Variants in FOXE1 observed in about 807,000 individuals in gnomAD.
FOXE1 encodes forkhead box protein E1.
A neutral mutation model predicts 2.1 loss-of-function variants in FOXE1; 4 were observed. That is an observed-to-expected ratio of 1.91 (90% CI 0.94 to 4.37). The LOEUF is 4.37. Ranked by LOEUF, FOXE1 falls within the 30% of genes most tolerant of loss-of-function variation. FOXE1 has a pLI of 0.01. For synonymous variants in FOXE1, 277 were observed against 272.4 expected (o/e 1.02, Z -0.17); for missense variants, 574 against 583.3 (o/e 0.98, Z 0.16).
At position 97,854,418 on chromosome 9, in the gene FOXE1, AGCC is replaced by A. The variant is rs71369530; in HGVS notation, c.535_537del (p.Ala179del). On this transcript the variant is annotated inframe_deletion, in exon 1 of 1. Coordinates refer to ENST00000375123, the MANE Select transcript of FOXE1 (RefSeq NM_004473.4). Reference sequence around the variant, plus strand: ...ACATGCACGACGCGGCGGCTGCCGCAGCCGCCGCCGCCGCCGCCGCCGCCGCCG... The same window carrying A: ...ACATGCACGACGCGGCGGCTGCCGCAGCCGCCGCCGCCGCCGCCGCCGCCG... 435 of 1,218,460 alleles carry A rather than the reference AGCC, an allele frequency of 3.6e-4. No homozygotes were observed. Among genetic ancestry groups the A allele is most frequent in the Admixed American group, 7.1e-4 (16 of 22,508 alleles). 75.5% of individuals were successfully genotyped at this position (1,218,460 alleles called of 1,614,324 possible).
chr9:97,854,570 G>A lies in FOXE1; in HGVS notation c.656G>A (p.Gly219Asp). 1 of 1,333,062 alleles carries A rather than the reference G, an allele frequency of 7.5e-7. No individual in the cohort carries two copies. The highest frequency in any genetic ancestry group is 9.5e-7 in the Non-Finnish European group (1 of 1,048,926). The allele number at this position is 1,333,062 out of a possible 1,614,324, so 82.6% of individuals were successfully genotyped here. A position where few individuals can be genotyped will look rare whatever the true frequency, so the allele number is the denominator to read the frequency against. Residue 219 changes from glycine (G) to aspartate (D), a missense_variant, in exon 1 of 1, where the codon GGC (glycine) becomes GAC (aspartate). Coordinates refer to ENST00000375123, the MANE Select transcript of FOXE1 (RefSeq NM_004473.4). ...GTCTACTACCCCGCGGCGTCGCCCG[G>A]CCCTTGCCGCGTCTTCGGCCTGGTT... ...PPVYYPAASP[G>D]PCRVFGLVPE...
chr9:97,854,812 G>T lies in FOXE1; in HGVS notation c.898G>T (p.Ala300Ser). The change falls in exon 1 of 1, where the codon GCT (alanine) becomes TCT (serine). Residue 300 changes from alanine to serine, a missense_variant. Transcript: ENST00000375123. ...CGCCGGCAGTGCGATCTTTGCCGCT[G>T]CTGGCCGCCTGGCGGGACCCGCTTC... ...QGAGSAIFAA[A>S]GRLAGPASPP... The T allele has an allele frequency of 1.3e-6, 2 of 1,533,166 alleles. No homozygotes were observed. The highest frequency in any genetic ancestry group is 2.0e-5 in the Admixed American group (1 of 50,920). The allele number at this position is 1,533,166 out of a possible 1,614,324, so 95.0% of individuals were successfully genotyped here.
In FOXE1 at chr9:97,853,756, G is replaced by T; in HGVS notation, c.-159G>T. 1.8e-6 allele frequency: 1 copy of T among 545,580 alleles called. No individual in the cohort carries two copies. Among genetic ancestry groups the T allele is most frequent in the Non-Finnish European group, 2.7e-6 (1 of 368,734 alleles). The allele number at this position is 545,580 out of a possible 1,614,324, so 33.8% of individuals were successfully genotyped here. A position where few individuals can be genotyped will look rare whatever the true frequency, so the allele number is the denominator to read the frequency against. The stretch of plus-strand genomic sequence containing the variant: ...AGACCACGGACGCTGAGCCTCCAGC[G>T]CGTGCCAGCCTGGGCCGCTGGGCTC... On this transcript the variant is annotated 5_prime_UTR_variant, in exon 1 of 1. Coordinates refer to ENST00000375123, the MANE Select transcript of FOXE1 (RefSeq NM_004473.4).
rs547566398 is a variant in FOXE1 at position 97,854,415 on chromosome 9, C to T, written c.501C>T (p.Ala167=). ...CTTACATGCACGACGCGGCGGCTGC[C>T]GCAGCCGCCGCCGCCGCCGCCGCCG... ...YPAYMHDAAA[A]AAAAAAAAAA... The change falls in exon 1 of 1, where the codon GCC becomes GCT. Residue 167 remains alanine, a synonymous_variant. Coordinates refer to ENST00000375123, the MANE Select transcript of FOXE1 (RefSeq NM_004473.4). 7.9e-5 allele frequency: 91 copies of T among 1,145,440 alleles called. 1 individual carries two copies. The highest frequency in any genetic ancestry group is 9.1e-5 in the Non-Finnish European group (86 of 948,650). The allele number at this position is 1,145,440 out of a possible 1,614,324, so 71.0% of individuals were successfully genotyped here. A position where few individuals can be genotyped will look rare whatever the true frequency, so the allele number is the denominator to read the frequency against.
In FOXE1 at chr9:97,854,640, G is replaced by C. The variant is rs1288446779; in HGVS notation, c.726G>C (p.Gly242=). Residue 242 remains glycine, a synonymous_variant, in exon 1 of 1, where the codon GGG becomes GGC. Transcript: ENST00000375123. The part of the protein sequence containing the change: ...LSPELGPAPS[G]PGGSCAFASA... ...CAGAGCTGGGGCCCGCACCGTCGGG[G>C]CCCGGCGGCTCTTGCGCCTTTGCCT... 1.4e-6 allele frequency: 2 copies of C among 1,394,624 alleles called. No individual in the cohort carries two copies. The highest frequency in any genetic ancestry group is 6.1e-5 in the East Asian group (2 of 32,620). 86.4% of individuals were successfully genotyped at this position (1,394,624 alleles called of 1,614,324 possible).
chr9:97,856,181 G>A lies in FOXE1; in HGVS notation c.*1145G>A, dbSNP rs1830668820. The A allele has an allele frequency of 6.0e-6, 1 of 167,046 alleles. No individual in the cohort carries two copies. Among genetic ancestry groups the A allele is most frequent in the Middle Eastern group, 3.4e-3 (1 of 296 alleles). 10.3% of individuals were successfully genotyped at this position (167,046 alleles called of 1,614,324 possible). ...TCAGCAGCCTCCCCCATGCAAAAAG[G>A]AAAGAGAAAAATTAAGTTAGGGCAG... On this transcript the variant is annotated 3_prime_UTR_variant, in exon 1 of 1. Transcript: ENST00000375123.
chr9:97,855,025 T>C lies in FOXE1; in HGVS notation c.1111T>C (p.Ser371Pro), dbSNP rs772072435. 4.3e-6 allele frequency: 7 copies of C among 1,611,644 alleles called. No homozygotes were observed. In the African/African-American group the frequency reaches 9.3e-5, roughly 22 times the overall value. The change falls in exon 1 of 1, where the codon TCC becomes CCC. Residue 371 changes from serine to proline, a missense_variant. Ser to Pro is a moderately conservative substitution (Grantham distance 74). Transcript: ENST00000375123. ...AYPGGIDRFV[S>P]AM ...TCCCGGTGGGATAGATCGGTTCGTG[T>C]CCGCCATGTGAGCCAGCGTAGGGAC...
Position 97,854,710 on chromosome 9 carries a change from T to C in FOXE1, c.796T>C (p.Cys266Arg). 2.8e-6 allele frequency: 4 copies of C among 1,410,134 alleles called. No individual in the cohort carries two copies. The highest frequency in any genetic ancestry group is 1.5e-5 in the African/African-American group (1 of 65,944). The allele number at this position is 1,410,134 out of a possible 1,614,324, so 87.4% of individuals were successfully genotyped here. A position where few individuals can be genotyped will look rare whatever the true frequency, so the allele number is the denominator to read the frequency against. The part of the protein sequence containing the change: ...ATTTGYQPAG[C>R]TGARPANPSA... The stretch of plus-strand genomic sequence containing the variant: ...CACCACCGGCTACCAGCCCGCAGGC[T>C]GCACCGGGGCCCGGCCGGCCAACCC... The change falls in exon 1 of 1, where the codon TGC becomes CGC. Residue 266 changes from cysteine (C) to arginine (R), a missense_variant. Transcript: ENST00000375123.
At position 97,854,202 on chromosome 9, in the gene FOXE1, G is replaced by C; in HGVS notation, c.288G>C (p.Lys96Asn). The C allele has an allele frequency of 6.2e-7, 1 of 1,613,038 alleles. No homozygotes were observed. The highest frequency in any genetic ancestry group is 8.5e-7 in the Non-Finnish European group (1 of 1,179,696). Residue 96 changes from lysine to asparagine, a missense_variant, in exon 1 of 1, where the codon AAG (lysine) becomes AAC (asparagine). Around this residue, in one of 3 missense-constraint regions of FOXE1, gnomAD observed 249 missense variants for 269.6 expected, o/e 0.92. Transcript: ENST00000375123. ...CCTTCTACCGCGACAACCCCAAAAA[G>C]TGGCAGAACAGCATCCGCCACAACC... ...RFPFYRDNPK[K>N]WQNSIRHNLT...
Position 97,854,260 on chromosome 9 carries a change from C to A in FOXE1, c.346C>A (p.Arg116Ser), listed in dbSNP as rs1285423385. 6.2e-7 allele frequency: 1 copy of A among 1,612,994 alleles called. No individual in the cohort carries two copies. Among genetic ancestry groups the A allele is most frequent in the South Asian group, 1.1e-5 (1 of 91,044 alleles). Residue 116 changes from arginine (R) to serine (S), a missense_variant, in exon 1 of 1, where the codon CGC becomes AGC. Arg to Ser is a moderately radical substitution (Grantham distance 110). This residue lies in a region of FOXE1 where 249 missense variants were observed against 269.6 expected (regional missense o/e 0.92). Transcript: ENST00000375123. ...CAACGACTGCTTCCTCAAGATCCCGCGCGAGGCCGGCCGCCCGGGTAAGGG... is the reference window on the plus strand; with the variant it reads ...CAACGACTGCTTCCTCAAGATCCCGAGCGAGGCCGGCCGCCCGGGTAAGGG... ...TLNDCFLKIP[R>S]EAGRPGKGNY...
rs1241887711 is a variant in FOXE1 at position 97,854,676 on chromosome 9, C to T, written c.762C>T (p.Ala254=). ...GGSCAFASAG[A]PATTTGYQPA... ...CTTGCGCCTTTGCCTCCGCCGGCGC[C>T]CCCGCTACCACCACCGGCTACCAGC... The change falls in exon 1 of 1, where the codon GCC becomes GCT. Residue 254 remains alanine (A), a synonymous_variant. Coordinates refer to ENST00000375123, the MANE Select transcript of FOXE1 (RefSeq NM_004473.4). The T allele has an allele frequency of 7.1e-7, 1 of 1,408,408 alleles. No individual in the cohort carries two copies. The highest frequency in any genetic ancestry group is 9.2e-7 in the Non-Finnish European group (1 of 1,089,970). 87.2% of individuals were successfully genotyped at this position (1,408,408 alleles called of 1,614,324 possible). A position where few individuals can be genotyped will look rare whatever the true frequency, so the allele number is the denominator to read the frequency against.
Position 97,856,045 on chromosome 9 carries a change from C to T in FOXE1, c.*1009C>T, listed in dbSNP as rs534667832. On this transcript the variant is annotated 3_prime_UTR_variant, in exon 1 of 1. Coordinates refer to ENST00000375123, the MANE Select transcript of FOXE1 (RefSeq NM_004473.4). ...TTTCTTGTCATCACGCAGCCCTGGACCCAAAGGGTGAACTAAAGTTTAAGG... is the reference window on the plus strand; with the variant it reads ...TTTCTTGTCATCACGCAGCCCTGGATCCAAAGGGTGAACTAAAGTTTAAGG... 1 of 166,784 alleles carries T rather than the reference C, an allele frequency of 6.0e-6. No homozygotes were observed. Among genetic ancestry groups the T allele is most frequent in the South Asian group, 2.1e-4 (1 of 4,824 alleles). 10.3% of individuals were successfully genotyped at this position (166,784 alleles called of 1,614,324 possible). A position where few individuals can be genotyped will look rare whatever the true frequency, so the allele number is the denominator to read the frequency against.
chr9:97,854,595 T>G lies in FOXE1; in HGVS notation c.681T>G (p.Val227=), dbSNP rs1830640737. The change falls in exon 1 of 1, where the codon GTT becomes GTG. Residue 227 remains valine, a synonymous_variant. Coordinates refer to ENST00000375123, the MANE Select transcript of FOXE1 (RefSeq NM_004473.4). ...SPGPCRVFGL[V]PERPLSPELG... is the part of the protein sequence containing the mutation. ...GCCCTTGCCGCGTCTTCGGCCTGGTTCCTGAGCGGCCGCTCAGCCCAGAGC... is the reference window on the plus strand; with the variant it reads ...GCCCTTGCCGCGTCTTCGGCCTGGTGCCTGAGCGGCCGCTCAGCCCAGAGC... 7.4e-7 allele frequency: 1 copy of G among 1,356,400 alleles called. No homozygotes were observed. The highest frequency in any genetic ancestry group is 2.6e-4 in the Middle Eastern group (1 of 3,832). The allele number at this position is 1,356,400 out of a possible 1,614,324, so 84.0% of individuals were successfully genotyped here. A position where few individuals can be genotyped will look rare whatever the true frequency, so the allele number is the denominator to read the frequency against.
chr9:97,853,514 C>A lies in FOXE1; in HGVS notation c.-401C>A, dbSNP rs370502386. The A allele has an allele frequency of 6.4e-4, 130 of 202,938 alleles. No individual in the cohort carries two copies. Among genetic ancestry groups the A allele is most frequent in the African/African-American group, 2.8e-3 (121 of 43,254 alleles). 12.6% of individuals were successfully genotyped at this position (202,938 alleles called of 1,614,324 possible). On this transcript the variant is annotated 5_prime_UTR_variant, in exon 1 of 1. Transcript: ENST00000375123. ...AACCTAGGCAGTAATCCTAAACTAG[C>A]GGGCACCACAGACCAGCTGCAGCCA...
chr9:97,854,164 A>G lies in FOXE1; in HGVS notation c.250A>G (p.Thr84Ala). 1.9e-6 allele frequency: 3 copies of G among 1,612,732 alleles called. No individual in the cohort carries two copies. The highest frequency in any genetic ancestry group is 2.5e-6 in the Non-Finnish European group (3 of 1,179,652). ...LTLGGIYKFI[T>A]ERFPFYRDNP... ...GCTGGGCGGCATCTACAAGTTCATCACCGAGCGCTTCCCCTTCTACCGCGA... is the reference window on the plus strand; with the variant it reads ...GCTGGGCGGCATCTACAAGTTCATCGCCGAGCGCTTCCCCTTCTACCGCGA... The change falls in exon 1 of 1, where the codon ACC (threonine) becomes GCC (alanine). Residue 84 changes from threonine to alanine, a missense_variant. Thr to Ala is a moderately conservative substitution (Grantham distance 58). This residue lies in a region of FOXE1 where 249 missense variants were observed against 269.6 expected (regional missense o/e 0.92). Coordinates refer to ENST00000375123, the MANE Select transcript of FOXE1 (RefSeq NM_004473.4).
At position 97,854,848 on chromosome 9, in the gene FOXE1, G is replaced by T; in HGVS notation, c.934G>T (p.Gly312Cys). The T allele has an allele frequency of 6.4e-7, 1 of 1,550,956 alleles. No individual in the cohort carries two copies. Among genetic ancestry groups the T allele is most frequent in the Non-Finnish European group, 8.6e-7 (1 of 1,156,496 alleles). Residue 312 changes from glycine to cysteine, a missense_variant, in exon 1 of 1, where the codon GGC becomes TGC. Gly to Cys is a radical substitution (Grantham distance 159). Around this residue, in one of 3 missense-constraint regions of FOXE1, gnomAD observed 316 missense variants for 288.4 expected, o/e 1.10. Transcript: ENST00000375123. The stretch of plus-strand genomic sequence containing the variant: ...GGCGGGACCCGCTTCGCCCCCAGCG[G>T]GCGGCAGCAGTGGCGGCGTGGAGAC... Reference protein sequence around the residue: ...RLAGPASPPAGGSSGGVETTV... With the variant: ...RLAGPASPPACGSSGGVETTV...
chr9:97,854,550 C>G lies in FOXE1; in HGVS notation c.636C>G (p.Tyr212Ter). 7.7e-7 allele frequency: 1 copy of G among 1,301,800 alleles called. No individual in the cohort carries two copies. The highest frequency in any genetic ancestry group is 9.7e-7 in the Non-Finnish European group (1 of 1,033,078). The allele number at this position is 1,301,800 out of a possible 1,614,324, so 80.6% of individuals were successfully genotyped here. ...PPSLAAPPPV[Y>*]YPAASPGPCR... ...CGCTGGCCGCGCCGCCTCCAGTCTA[C>G]TACCCCGCGGCGTCGCCCGGCCCTT... The change falls in exon 1 of 1, where the codon TAC becomes TAG. Residue 212 changes from tyrosine to a stop codon, truncating the protein, a stop_gained. Coordinates refer to ENST00000375123, the MANE Select transcript of FOXE1 (RefSeq NM_004473.4). LOFTEE classifies it low-confidence loss of function (END_TRUNC).
Position 97,854,962 on chromosome 9 carries a change from A to C in FOXE1, c.1048A>C (p.Ser350Arg). Residue 350 changes from serine (S) to arginine (R), a missense_variant, in exon 1 of 1, where the codon AGT becomes CGT. By Grantham distance (110) the Ser-to-Arg change is moderately radical. Transcript: ENST00000375123. ...CCCTGGCGGGCAGCTCGGAGGGGCC[A>C]GTGCAGGCGCCTACCATGCTCGCCA... is the stretch of plus-strand genomic sequence containing the variant. Reference protein sequence around the residue: ...YNPGGQLGGASAGAYHARHAA... With the variant: ...YNPGGQLGGARAGAYHARHAA... 6.2e-7 allele frequency: 1 copy of C among 1,604,330 alleles called. No homozygotes were observed. Among genetic ancestry groups the C allele is most frequent in the Non-Finnish European group, 8.5e-7 (1 of 1,179,922 alleles).
chr9:97,853,723 C>A lies in FOXE1; in HGVS notation c.-192C>A. ...CTCCCGAGCCTCTGTCTGCACCGCG[C>A]CAGCCCCAGACCACGGACGCTGAGC... On this transcript the variant is annotated 5_prime_UTR_variant, in exon 1 of 1. Coordinates refer to ENST00000375123, the MANE Select transcript of FOXE1 (RefSeq NM_004473.4). 1 of 410,740 alleles carries A rather than the reference C, an allele frequency of 2.4e-6. No individual in the cohort carries two copies. Among genetic ancestry groups the A allele is most frequent in the Non-Finnish European group, 4.1e-6 (1 of 246,084 alleles). 25.4% of individuals were successfully genotyped at this position (410,740 alleles called of 1,614,324 possible).
Sources: allele counts gnomAD v4.1 joint callset, GRCh38; gene constraint gnomAD v4.1.1; regional missense constraint gnomAD v4.1.1; transcripts MANE v1.5; gene names NCBI Gene and HGNC (gene_info 2026-07-23, HGNC 2026-07-21).